The following TRIM22 variants were observed in gnomAD, a reference collection of about 807,000 sequenced individuals.
The protein encoded by TRIM22 is tripartite motif containing 22, also known as E3 ubiquitin-protein ligase TRIM22.
A neutral mutation model predicts 53.6 loss-of-function variants in TRIM22; 45 were observed. That is an observed-to-expected ratio of 0.84 (90% CI 0.66 to 1.08). The LOEUF (loss-of-function observed/expected upper bound fraction) is 1.08, where lower values mean the gene tolerates loss of function less well. Among genes scored for constraint, TRIM22 ranks in the 50% least tolerant of loss-of-function variants. The pLI, the probability that TRIM22 is intolerant of heterozygous loss-of-function variation, is 0.00. For missense variants in TRIM22, 616 were observed against 590.9 expected, an observed-to-expected ratio of 1.04 and a Z score of -0.44; for synonymous variants, 225 against 216.6, an observed-to-expected ratio of 1.04 and a Z score of -0.34.
At chr11:5,693,721 CAAAAAAAAAAA>C (rs60530986) in intron 1 of TRIM22, among the ~76,000 whole-genome samples, 1 of 87,440 alleles carries the variant, frequency 1.1e-5, no homozygotes, top group South Asian at 4.6e-4. Flanking sequence ...GACTCCGTCT[CAAAAAAAAAAA>C]AAAAAAAAAA....
In TRIM22 at chr11:5,709,988, G is replaced by T; in HGVS notation, c.*340G>T. On this transcript the variant is annotated 3_prime_UTR_variant, in exon 8 of 8. Transcript: ENST00000379965. ...CTATGACTCTTCACATTGTCTTTAT[G>T]TACATCTCTGTGCCCAAGTTTTCCC... 4.4e-6 allele frequency: 1 copy of T among 229,364 alleles called. No individual in the cohort carries two copies. The highest frequency in any genetic ancestry group is 9.0e-5 in the East Asian group (1 of 11,158). 14.2% of individuals were successfully genotyped at this position (229,364 alleles called of 1,614,324 possible).
In TRIM22 at chr11:5,709,845, C is replaced by G; in HGVS notation, c.*197C>G. The G allele has an allele frequency of 1.7e-6, 1 of 574,848 alleles. No homozygotes were observed. The highest frequency in any genetic ancestry group is 2.8e-5 in the East Asian group (1 of 35,132). The allele number at this position is 574,848 out of a possible 1,614,324, so 35.6% of individuals were successfully genotyped here. ...CTGATTTAAACTGTAATTGTATTGC[C>G]GTACTGTGGGCTGGAAATCCCAAAT... On this transcript the variant is annotated 3_prime_UTR_variant, in exon 8 of 8. Coordinates refer to ENST00000379965, the MANE Select transcript of TRIM22 (RefSeq NM_006074.5).
chr11:5,697,692 G>T, intron 3 of TRIM22: 1 of 201,460 alleles, frequency 5.0e-6, no homozygotes, highest in South Asian at 1.4e-4. Flanking sequence ...TTTCAGTAGG[G>T]GGATTTTTTT....
At chr11:5,706,526 A>G in intron 4 of TRIM22, 68 bp from the exon 5 acceptor site, 1 of 1,515,166 alleles carries the variant, frequency 6.6e-7, no homozygotes, top group South Asian at 1.2e-5. Flanking sequence ...ATTCTAATTG[A>G]ACTAGCCACT....
chr11:5,702,271 T>A (rs1408101730), intron 4 of TRIM22, among the ~76,000 whole-genome samples: 2 of 145,196 alleles, frequency 1.4e-5, no homozygotes, highest in Non-Finnish European at 3.0e-5. Flanking sequence ...AATATATAAC[T>A]AATATGCCTA....
At chr11:5,706,315 T>C (rs377606084) in intron 4 of TRIM22, among the ~76,000 whole-genome samples, 32 of 152,286 alleles carry the variant, frequency 2.1e-4, no homozygotes, top group African/African-American at 7.5e-4. Flanking sequence ...TATCCAGGGA[T>C]AGTAAGAGTG....
chr11:5,698,309 C>T lies in TRIM22; in HGVS notation c.520-6C>T, dbSNP rs751082261. 5 of 1,612,382 alleles carry T rather than the reference C, an allele frequency of 3.1e-6. No homozygotes were observed. Among genetic ancestry groups the T allele is most frequent in the Admixed American group, 3.3e-5 (2 of 59,996 alleles). On this transcript the variant is annotated splice_polypyrimidine_tract_variant and splice_region_variant and intron_variant, in intron 3 of 7. Coordinates refer to ENST00000379965, the MANE Select transcript of TRIM22 (RefSeq NM_006074.5). Reference sequence around the variant, plus strand: ...CTGACTGCCTCTTTCTCTTTTCATTCCCAAGAATTATATCCAGATCGAGAG... The same window carrying T: ...CTGACTGCCTCTTTCTCTTTTCATTTCCAAGAATTATATCCAGATCGAGAG...
At position 5,709,048 on chromosome 11, in the gene TRIM22, T is replaced by C. The variant is rs1853512454; in HGVS notation, c.902-5T>C. On this transcript the variant is annotated splice_polypyrimidine_tract_variant and splice_region_variant and intron_variant, in intron 7 of 7. Transcript: ENST00000379965. ...CTTCACTTGACTTGGTAATTTTTTC[T>C]ACAGTGGACGTGATGCTGAATCCAG... 1 of 1,607,856 alleles carries C rather than the reference T, an allele frequency of 6.2e-7. No individual in the cohort carries two copies. Among genetic ancestry groups the C allele is most frequent in the South Asian group, 1.1e-5 (1 of 90,890 alleles).
Position 5,697,214 on chromosome 11 carries a change from A to G in TRIM22, c.424-34A>G, listed in dbSNP as rs184702467. 985 of 1,534,978 alleles carry G rather than the reference A, an allele frequency of 6.4e-4. 10 individuals are homozygous for G. In the African/African-American group the frequency reaches 0.011, roughly 18 times the overall value. ...CTCTATTCAGGTGCTGAGAAAGCTC[A>G]TAACTTTACTCTGGTATAATTTATT... is the stretch of plus-strand genomic sequence containing the variant. On this transcript the variant is annotated intron_variant, in intron 2 of 7. Coordinates refer to ENST00000379965, the MANE Select transcript of TRIM22 (RefSeq NM_006074.5).
chr11:5,704,892 G>T (rs1448939548), intron 4 of TRIM22, among the ~76,000 whole-genome samples: 2 of 152,174 alleles, frequency 1.3e-5, no homozygotes, highest in African/African-American at 4.8e-5. Flanking sequence ...TGAAGAGGTG[G>T]CAGAGAGCTG....
At chr11:5,690,905 C>T (rs1172597852) in intron 1 of TRIM22, 1 of 152,284 alleles carries the variant, frequency 6.6e-6, no homozygotes, top group Non-Finnish European at 1.5e-5. Flanking sequence ...ACTCAGTCTT[C>T]AGAAGTAAGG....
In TRIM22 at chr11:5,696,329, A is replaced by G. The variant is rs1853257944; in HGVS notation, c.97A>G (p.Ser33Gly). Reference sequence around the variant, plus strand: ...ACCTCTGAGCCTAGATTGTGGCCACAGCTTCTGCCAAGCCTGCATCACTGC... The same window carrying G: ...ACCTCTGAGCCTAGATTGTGGCCACGGCTTCTGCCAAGCCTGCATCACTGC... Reference protein sequence around the residue: ...TEPLSLDCGHSFCQACITAKI... With the variant: ...TEPLSLDCGHGFCQACITAKI... The change falls in exon 2 of 8, where the codon AGC (serine) becomes GGC (glycine). Residue 33 changes from serine to glycine, a missense_variant. Coordinates refer to ENST00000379965, the MANE Select transcript of TRIM22 (RefSeq NM_006074.5). 6.2e-7 allele frequency: 1 copy of G among 1,614,234 alleles called. No homozygotes were observed. Among genetic ancestry groups the G allele is most frequent in the Non-Finnish European group, 8.5e-7 (1 of 1,180,042 alleles).
rs1853537492 is a variant in TRIM22, at chr11:5,710,233, T to A, written c.*585T>A. Reference sequence around the variant, plus strand: ...AAGAGATGCTTGTACATTATTTTCCTAATACCTTGGTTTCACTAGTAGTAA... The same window carrying A: ...AAGAGATGCTTGTACATTATTTTCCAAATACCTTGGTTTCACTAGTAGTAA... On this transcript the variant is annotated 3_prime_UTR_variant, in exon 8 of 8. Coordinates refer to ENST00000379965, the MANE Select transcript of TRIM22 (RefSeq NM_006074.5). The A allele has an allele frequency of 6.6e-6, 1 of 152,268 alleles. No individual in the cohort carries two copies. Among genetic ancestry groups the A allele is most frequent in the Non-Finnish European group, 1.5e-5 (1 of 68,098 alleles). The allele number at this position is 152,268 out of a possible 1,614,324, so 9.4% of individuals were successfully genotyped here.
chr11:5,698,274 A>G (rs74813137), intron 3 of TRIM22, 41 bp from the exon 4 acceptor site: 35,972 of 1,570,348 alleles, frequency 0.023, 521 homozygotes, highest in Non-Finnish European at 0.028. Context: ...CAGGCCTTCA[A>G]CCAGCCAGAC....
chr11:5,708,148 G>A (rs1279329916), intron 5 of TRIM22, 25 bp from the exon 6 acceptor site: 1 of 1,564,232 alleles, frequency 6.4e-7, no homozygotes, highest in Non-Finnish European at 8.8e-7. Context: ...AAGGTGTAAA[G>A]GTTATCAATT....
chr11:5,704,147 A>C (rs1158154058), intron 4 of TRIM22, among the ~76,000 whole-genome samples: 1 of 152,200 alleles, frequency 6.6e-6, no homozygotes, highest in Non-Finnish European at 1.5e-5. Flanking sequence ...CTGGGTATAT[A>C]CCCAAAGGAA....
intron 2 of TRIM22, 25 bp downstream of exon 2, chr11:5,696,680 A>G: frequency 6.3e-7 from 1 of 1,582,012 alleles, no homozygotes; most frequent in Non-Finnish European, 8.6e-7. Flanking sequence ...AGAGGAAGAG[A>G]GAGCAGAGAG....
chr11:5,692,816 G>A (rs1369421891), intron 1 of TRIM22, among the ~76,000 whole-genome samples: 1 of 138,304 alleles, frequency 7.2e-6, no homozygotes, highest in Non-Finnish European at 1.6e-5. Context: ...AAAAGATATT[G>A]ATGGCTAAAC....
intron 3 of TRIM22, chr11:5,697,787 T>A (rs112897166): frequency 0.12 from 20,665 of 167,448 alleles, 1,457 homozygotes; most frequent in South Asian, 0.18. Context: ...CACTGCAACC[T>A]CTGCCTCCCT....
Sources: allele counts gnomAD v4.1 joint callset (sites outside exome capture counted in the v4.1 genomes callset), GRCh38; gene constraint gnomAD v4.1.1; transcripts MANE v1.5; gene names NCBI Gene and HGNC (gene_info 2026-07-23, HGNC 2026-07-21).